LRRC28: variants seen among roughly 807,000 people sequenced by gnomAD.
LRRC28 encodes leucine-rich repeat-containing protein 28.
A neutral mutation model predicts 45.7 loss-of-function variants in LRRC28; 39 were observed. The observed-to-expected ratio is 0.85, with a 90% CI of 0.66 to 1.12. The LOEUF is 1.12. Among genes scored for constraint, LRRC28 ranks in the 50% most tolerant of loss-of-function variants. The pLI is 0.00. For synonymous variants in LRRC28, 206 were observed against 178.8 expected (o/e 1.15, Z -1.22); for missense variants, 435 against 438.5 (o/e 0.99, Z 0.07).
intron 7 of LRRC28, among the ~76,000 whole-genome samples, chr15:99,356,665 C>T (rs1353528770): frequency 6.6e-6 from 1 of 152,122 alleles, no homozygotes; most frequent in African/African-American, 2.4e-5. Flanking sequence ...TTAAAAATTT[C>T]CCAAATTTGA....
At chr15:99,366,899 C>G (rs1957355299) in intron 9 of LRRC28, among the ~76,000 whole-genome samples, 1 of 152,034 alleles carries the variant, frequency 6.6e-6, no homozygotes, top group Non-Finnish European at 1.5e-5. Flanking sequence ...AAAATGTTTT[C>G]TCCTGCTCTT....
chr15:99,291,612 C>T (rs970792018), intron 5 of LRRC28, among the ~76,000 whole-genome samples: 1 of 152,216 alleles, frequency 6.6e-6, no homozygotes, highest in African/African-American at 2.4e-5. Flanking sequence ...CAAACCCCTT[C>T]TCCATAGTCC....
rs1408743992 is a variant in LRRC28 at position 99,388,473 on chromosome 15, C to G, written c.*2371C>G. The G allele has an allele frequency of 6.6e-6, 1 of 152,224 alleles. No individual in the cohort carries two copies. Among genetic ancestry groups the G allele is most frequent in the Non-Finnish European group, 1.5e-5 (1 of 68,050 alleles). 9.4% of individuals were successfully genotyped at this position (152,224 alleles called of 1,614,324 possible). On this transcript the variant is annotated 3_prime_UTR_variant, in exon 10 of 10. Transcript: ENST00000301981. ...CAGACAACCTTTGGGCAGTCTCAACCTTAATCCTTGGGTACAGCACCTGAA... is the reference window on the plus strand; with the variant it reads ...CAGACAACCTTTGGGCAGTCTCAACGTTAATCCTTGGGTACAGCACCTGAA...
intron 5 of LRRC28, among the ~76,000 whole-genome samples, chr15:99,301,936 T>C (rs1026989482): frequency 2.6e-5 from 4 of 152,178 alleles, no homozygotes; most frequent in Non-Finnish European, 5.9e-5. Context: ...ATCACTTTTT[T>C]TTTTCTACAT....
chr15:99,309,941 C>T (rs1955341218), intron 5 of LRRC28, among the ~76,000 whole-genome samples: 1 of 152,072 alleles, frequency 6.6e-6, no homozygotes. Context: ...TAAAATGAAC[C>T]AGGTTGCTGT....
intron 5 of LRRC28, among the ~76,000 whole-genome samples, chr15:99,306,202 T>C (rs1245202625): frequency 6.6e-6 from 1 of 152,222 alleles, no homozygotes; most frequent in Non-Finnish European, 1.5e-5. Context: ...TCCCAGACAT[T>C]GCCCACTCGG....
intron 6 of LRRC28, among the ~76,000 whole-genome samples, chr15:99,350,945 G>A (rs1208911985): frequency 6.6e-6 from 1 of 152,128 alleles, no homozygotes; most frequent in African/African-American, 2.4e-5. Context: ...AGAGACACAT[G>A]CCAGCACACC....
intron 6 of LRRC28, among the ~76,000 whole-genome samples, chr15:99,335,519 T>C (rs1751463690): frequency 6.6e-6 from 1 of 152,200 alleles, no homozygotes; most frequent in Non-Finnish European, 1.5e-5. Flanking sequence ...GAGCCAGGCA[T>C]GGTGATGCAT....
chr15:99,356,478 A>T (rs1038423668), intron 7 of LRRC28, among the ~76,000 whole-genome samples: 1 of 152,246 alleles, frequency 6.6e-6, no homozygotes, highest in Non-Finnish European at 1.5e-5. Flanking sequence ...ATAGATCAGT[A>T]GAAATGATCC....
chr15:99,362,184 C>A (rs930002986), intron 8 of LRRC28, among the ~76,000 whole-genome samples: 1 of 152,164 alleles, frequency 6.6e-6, no homozygotes, highest in African/African-American at 2.4e-5. Context: ...TGAAATGTTT[C>A]GTCTTTACTT....
Position 99,361,166 on chromosome 15 carries a change from G to C in LRRC28, c.696-170G>C, listed in dbSNP as rs923349287. The C allele has an allele frequency of 5.4e-6, 4 of 735,186 alleles. No individual in the cohort carries two copies. The African/African-American group carries it at 7.2e-5, about 13-fold the overall frequency. 45.5% of individuals were successfully genotyped at this position (735,186 alleles called of 1,614,324 possible). On this transcript the variant is annotated intron_variant, in intron 7 of 9. Transcript: ENST00000301981. ...CCAACTGATGAGTTTAGATTGCTGG[G>C]CCAGGTTTTATGAAGGAACCCGGGA...
At chr15:99,369,320 T>G (rs1358698743) in intron 9 of LRRC28, among the ~76,000 whole-genome samples, 2 of 152,256 alleles carry the variant, frequency 1.3e-5, no homozygotes, top group East Asian at 3.9e-4. Context: ...ACTTCCACAT[T>G]TTTAGGTATT....
rs182074343 is a variant in LRRC28 at position 99,336,174 on chromosome 15, C to T, written c.592+2045C>T. 8.5e-5 allele frequency among the ~76,000 whole-genome samples: 13 copies of T among 152,246 alleles called. No homozygotes were observed. In the East Asian group the frequency reaches 1.9e-3, roughly 23 times the overall value. On this transcript the variant is annotated intron_variant, in intron 6 of 9. Transcript: ENST00000301981. ...TACCATTTATTGAGCACCGAGTCTTCGGCCAGGTACTCTGTTTAATTGCTA... is the reference window on the plus strand; with the variant it reads ...TACCATTTATTGAGCACCGAGTCTTTGGCCAGGTACTCTGTTTAATTGCTA...
intron 6 of LRRC28, among the ~76,000 whole-genome samples, chr15:99,349,708 G>A (rs531017627): frequency 6.6e-5 from 10 of 152,106 alleles, no homozygotes; most frequent in Non-Finnish European, 5.9e-5. Context: ...TCCCTGATAC[G>A]TAAAGGACTC....
intron 3 of LRRC28, among the ~76,000 whole-genome samples, chr15:99,286,039 A>C (rs2081949607): frequency 6.6e-6 from 1 of 152,208 alleles, no homozygotes; most frequent in African/African-American, 2.4e-5. Context: ...TTTTGTGTTT[A>C]TTGACATTTT....
intron 5 of LRRC28, among the ~76,000 whole-genome samples, chr15:99,303,242 AT>A (rs1955048145): frequency 6.6e-6 from 1 of 152,170 alleles, no homozygotes; most frequent in African/African-American, 2.4e-5. Flanking sequence ...ATAACTAAAG[AT>A]TAAGCACCTT....
intron 3 of LRRC28, 130 bp from the exon 4 acceptor site, chr15:99,287,127 G>A: frequency 1.6e-6 from 1 of 624,646 alleles, no homozygotes; most frequent in Non-Finnish European, 2.8e-6. Context: ...GTATGTTGAT[G>A]CATTAGAGTA....
intron 5 of LRRC28, 91 bp downstream of exon 5, chr15:99,288,042 ATGTATTTATAAGTATT>A (rs1217409052): frequency 8.1e-7 from 1 of 1,240,728 alleles, no homozygotes; most frequent in African/African-American, 1.5e-5. Context: ...TGAGCTGTAG[ATGTATTTATAAGTATT>A]TGTCCATTTG....
At chr15:99,320,083 A>G (rs910649587) in intron 5 of LRRC28, among the ~76,000 whole-genome samples, 1 of 152,206 alleles carries the variant, frequency 6.6e-6, no homozygotes, top group Non-Finnish European at 1.5e-5. Context: ...CTGGGATTAC[A>G]GGCGTGAGCC....
Sources: allele counts gnomAD v4.1 joint callset (sites outside exome capture counted in the v4.1 genomes callset), GRCh38; gene constraint gnomAD v4.1.1; transcripts MANE v1.5; gene names NCBI Gene and HGNC (gene_info 2026-07-23, HGNC 2026-07-21).